Variants in HSPA12A observed in about 807,000 individuals in gnomAD.
HSPA12A encodes the protein heat shock 70 kDa protein 12A.
A neutral mutation model predicts 69.2 loss-of-function variants in HSPA12A; 28 were observed. The ratio of observed to expected loss-of-function variants is 0.40; its 90% CI spans 0.30 to 0.55. The LOEUF (loss-of-function observed/expected upper bound fraction) is 0.55. Among genes scored for constraint, HSPA12A ranks in the 20% least tolerant of loss-of-function variants. The pLI is 0.38. For synonymous variants in HSPA12A, 345 were observed against 370.5 expected (o/e 0.93, Z 0.79); for missense variants, 686 against 900.7 (o/e 0.76, Z 3.05).
intron 2 of HSPA12A, among the ~76,000 whole-genome samples, chr10:116,765,704 C>T (rs1322384042): frequency 2.0e-5 from 3 of 151,938 alleles, no homozygotes; most frequent in African/African-American, 7.3e-5. Flanking sequence ...CAGGACACAC[C>T]CGTTAGATGC....
intron 2 of HSPA12A, among the ~76,000 whole-genome samples, chr10:116,794,442 A>G (rs543050604): frequency 9.8e-5 from 15 of 152,330 alleles, no homozygotes; most frequent in Admixed American, 3.9e-4. Context: ...GCAACTCCCA[A>G]CAAATTTCAA....
chr10:116,802,439 T>G (rs1781787560), intron 2 of HSPA12A, among the ~76,000 whole-genome samples: 1 of 152,216 alleles, frequency 6.6e-6, no homozygotes, highest in African/African-American at 2.4e-5. Context: ...CATATGTGAT[T>G]CTGTGAGCAG....
chr10:116,752,445 G>A (rs181928407), intron 2 of HSPA12A, among the ~76,000 whole-genome samples: 91 of 151,976 alleles, frequency 6.0e-4, no homozygotes, highest in East Asian at 4.3e-3. Context: ...CATCCTATCC[G>A]TCAATCATTC....
At chr10:116,846,074 C>G (rs1171360524) in intron 1 of HSPA12A, among the ~76,000 whole-genome samples, 1 of 152,170 alleles carries the variant, frequency 6.6e-6, no homozygotes, top group Non-Finnish European at 1.5e-5. Flanking sequence ...ACTGTTCTTT[C>G]CCCAGTGCCT....
intron 1 of HSPA12A, among the ~76,000 whole-genome samples, chr10:116,713,060 C>T (rs541698831): frequency 3.7e-5 from 4 of 108,054 alleles, no homozygotes; most frequent in Admixed American, 1.0e-4. Flanking sequence ...CCTTTGCTAA[C>T]GATTGCCTAA....
chr10:116,780,125 A>G (rs1170976229), intron 2 of HSPA12A, among the ~76,000 whole-genome samples: 1 of 151,958 alleles, frequency 6.6e-6, no homozygotes, highest in Non-Finnish European at 1.5e-5. Flanking sequence ...AACAGCAGTC[A>G]CTCCCTGCAT....
intron 1 of HSPA12A, among the ~76,000 whole-genome samples, chr10:116,841,932 A>G (rs1468428909): frequency 1.3e-5 from 2 of 152,190 alleles, no homozygotes; most frequent in African/African-American, 4.8e-5. Context: ...CCAATAATTA[A>G]CGTAAAGTCA....
chr10:116,725,124 G>A (rs1554884824), intron 1 of HSPA12A, among the ~76,000 whole-genome samples: 1 of 152,186 alleles, frequency 6.6e-6, no homozygotes, highest in East Asian at 1.9e-4. Flanking sequence ...AGAAAACACA[G>A]TGCAGGGATC....
At chr10:116,828,949 T>C (rs1324668634) in intron 2 of HSPA12A, 1 of 152,236 alleles carries the variant, frequency 6.6e-6, no homozygotes, top group African/African-American at 2.4e-5. Context: ...AGAAACAATG[T>C]TGTAATTTTT....
intron 2 of HSPA12A, chr10:116,750,730 C>G (rs1851757560): frequency 5.7e-6 from 1 of 174,164 alleles, no homozygotes; most frequent in African/African-American, 2.4e-5. Context: ...AATCCCAGCA[C>G]TCTGGGAGGC....
chr10:116,738,659 A>T (rs1554886656), intron 1 of HSPA12A, among the ~76,000 whole-genome samples: 1 of 152,162 alleles, frequency 6.6e-6, no homozygotes, highest in East Asian at 1.9e-4. Flanking sequence ...TGGAATTATC[A>T]ACCATTAAGT....
Position 116,686,915 on chromosome 10 carries a change from C to T in HSPA12A, c.664-2953G>A, listed in dbSNP as rs782342771. The stretch of plus-strand genomic sequence containing the variant: ...TCTTCCCACACTGTAAGCTCTGCCC[C>T]CATCTCTCTACCCACACTACCCCTG... On this transcript the variant is annotated intron_variant, in intron 6 of 11. Coordinates refer to ENST00000369209, the MANE Select transcript of HSPA12A (RefSeq NM_025015.3). The surrounding 1 kb of genome is among the most constrained non-coding windows in gnomAD (Gnocchi z 4.1). Among the ~76,000 whole-genome samples, 8 of 152,196 alleles carry T rather than the reference C, an allele frequency of 5.3e-5. No individual in the cohort carries two copies. Among genetic ancestry groups the T allele is most frequent in the Non-Finnish European group, 1.2e-4 (8 of 68,010 alleles).
upstream of HSPA12A, among the ~76,000 whole-genome samples, chr10:116,743,341 G>A (rs1851575540): frequency 6.6e-6 from 1 of 152,194 alleles, no homozygotes; most frequent in African/African-American, 2.4e-5. Flanking sequence ...GTTTGGGCCT[G>A]GCCAGGCACC....
chr10:116,737,673 C>T (rs1851354911), intron 1 of HSPA12A, among the ~76,000 whole-genome samples: 1 of 152,170 alleles, frequency 6.6e-6, no homozygotes, highest in South Asian at 2.1e-4. Flanking sequence ...AAAATCAAGG[C>T]AAAAACTCTG....
chr10:116,796,684 G>A (rs577909262), intron 2 of HSPA12A, among the ~76,000 whole-genome samples: 6 of 152,290 alleles, frequency 3.9e-5, no homozygotes, highest in South Asian at 2.1e-4. Flanking sequence ...CATCCTAGCT[G>A]AGCCCCGGGG....
chr10:116,744,941 G>T (rs946252564), upstream of HSPA12A, among the ~76,000 whole-genome samples: 17 of 152,166 alleles, frequency 1.1e-4, no homozygotes, highest in African/African-American at 4.1e-4. Flanking sequence ...TCATTCTCCT[G>T]CTACCAGGTC....
At chr10:116,808,239 G>A (rs1049767192) in intron 2 of HSPA12A, among the ~76,000 whole-genome samples, 4 of 145,618 alleles carry the variant, frequency 2.7e-5, no homozygotes, top group African/African-American at 1.0e-4. Context: ...AGACAGTGGA[G>A]AAGGAGCTTG....
intron 3 of HSPA12A, among the ~76,000 whole-genome samples, chr10:116,702,100 C>A (rs1554881697): frequency 6.7e-6 from 1 of 148,542 alleles, no homozygotes. Context: ...CACAGCAAGA[C>A]CCTATCTCTA....
upstream of HSPA12A, chr10:116,850,288 G>T (rs1423293347): frequency 6.0e-6 from 1 of 167,936 alleles, no homozygotes; most frequent in Non-Finnish European, 1.3e-5. Context: ...TGCCCACGTA[G>T]CCCTGGACCA....
Sources: allele counts gnomAD v4.1 joint callset (sites outside exome capture counted in the v4.1 genomes callset), GRCh38; gene constraint gnomAD v4.1.1; non-coding constraint Gnocchi (gnomAD v3.1); transcripts MANE v1.5; gene names NCBI Gene and HGNC (gene_info 2026-07-23, HGNC 2026-07-21).